ENPP1: variants seen among roughly 807,000 people sequenced by gnomAD.
ENPP1 encodes the protein ectonucleotide pyrophosphatase/phosphodiesterase 1, also known as ectonucleotide pyrophosphatase/phosphodiesterase family member 1.
ENPP1 carries 73 observed loss-of-function variants against 122.8 expected under a neutral mutation model. That is an observed-to-expected ratio of 0.59 (90% CI 0.49 to 0.72). The LOEUF is 0.72. Among genes scored for constraint, ENPP1 ranks in the 30% least tolerant of loss-of-function variants. The pLI is 0.00. For synonymous variants in ENPP1, 367 were observed against 391.6 expected (o/e 0.94, Z 0.74); for missense variants, 978 against 1,128.1 (o/e 0.87, Z 1.91).
chr6:131,894,815 AC>A lies in ENPP1; in HGVS notation c.*4309del. 6.6e-6 allele frequency: 1 copy of A among 152,000 alleles called. No individual in the cohort carries two copies. The highest frequency in any genetic ancestry group is 1.5e-5 in the Non-Finnish European group (1 of 68,090). The allele number at this position is 152,000 out of a possible 1,614,324, so 9.4% of individuals were successfully genotyped here. On this transcript the variant is annotated 3_prime_UTR_variant, in exon 25 of 25. Coordinates refer to ENST00000647893, the MANE Select transcript of ENPP1 (RefSeq NM_006208.3). Reference sequence around the variant, plus strand: ...ACAAGATGGGCATGGAACAGGGACCACCCCCTCCTCTGGGAGAAGCTGTTAC... The same window carrying A: ...ACAAGATGGGCATGGAACAGGGACCACCCCTCCTCTGGGAGAAGCTGTTAC...
chr6:131,883,658 G>A lies in ENPP1; in HGVS notation c.2231-36G>A. 2 of 993,316 alleles carry A rather than the reference G, an allele frequency of 2.0e-6. 1 individual carries two copies. Among genetic ancestry groups the A allele is most frequent in the South Asian group, 2.6e-5 (2 of 76,914 alleles). The allele number at this position is 993,316 out of a possible 1,614,324, so 61.5% of individuals were successfully genotyped here. On this transcript the variant is annotated intron_variant, in intron 21 of 24. Coordinates refer to ENST00000647893, the MANE Select transcript of ENPP1 (RefSeq NM_006208.3). ...AACTATAATTTCCTATGTTATTTGTGAAGAATGAAAAAGTTGTCCTCTTTT... is the reference window on the plus strand; with the variant it reads ...AACTATAATTTCCTATGTTATTTGTAAAGAATGAAAAAGTTGTCCTCTTTT...
intron 1 of ENPP1, among the ~76,000 whole-genome samples, chr6:131,811,571 A>G (rs1781355057): frequency 6.6e-6 from 1 of 152,102 alleles, no homozygotes; most frequent in Admixed American, 6.6e-5. Context: ...GGCAGTTCCT[A>G]AGTTGTTTAT....
At position 131,885,037 on chromosome 6, in the gene ENPP1, T is replaced by C. The variant is rs914267183; in HGVS notation, c.2418T>C (p.Arg806=). Residue 806 remains arginine (R), a synonymous_variant, in exon 23 of 25, where the codon CGT becomes CGC. Transcript: ENST00000647893. The stretch of plus-strand genomic sequence containing the variant: ...TGTTTGACTTTGATTATGATGGACG[T>C]TGTGATTCCTTAGAGAATCTGAGGC... The part of the protein sequence containing the change: ...GPVFDFDYDG[R]CDSLENLRQK... 1.2e-6 allele frequency: 2 copies of C among 1,614,094 alleles called. No homozygotes were observed. The highest frequency in any genetic ancestry group is 1.7e-6 in the Non-Finnish European group (2 of 1,179,962).
chr6:131,851,471 C>T, intron 4 of ENPP1: 1 of 573,754 alleles, frequency 1.7e-6, no homozygotes, highest in Non-Finnish European at 3.1e-6. Context: ...TTATACCCAT[C>T]ACCCAGCTTC....
chr6:131,814,167 C>A (rs369287858), intron 1 of ENPP1, among the ~76,000 whole-genome samples: 3 of 152,116 alleles, frequency 2.0e-5, no homozygotes, highest in African/African-American at 7.2e-5. Context: ...AGATTTCTGG[C>A]GGAGCATAGA....
intron 5 of ENPP1, among the ~76,000 whole-genome samples, chr6:131,853,925 G>A (rs1008452349): frequency 1.3e-5 from 2 of 151,966 alleles, no homozygotes; most frequent in Non-Finnish European, 2.9e-5. Context: ...GTGGTTTTTG[G>A]CCTCCTTTTT....
chr6:131,886,482 A>G (rs116371737), intron 23 of ENPP1, 80 bp from the exon 24 acceptor site: 2 of 1,069,948 alleles, frequency 1.9e-6, no homozygotes, highest in Non-Finnish European at 2.8e-6. Flanking sequence ...TATATGTATT[A>G]AAAGCATGCT....
At chr6:131,883,600 C>A in intron 21 of ENPP1, 94 bp from the exon 22 acceptor site, 1 of 724,114 alleles carries the variant, frequency 1.4e-6, no homozygotes. Context: ...TGGTACTCAG[C>A]TAATTTTTAA....
At chr6:131,887,725 A>ATTTT (rs757759048) in intron 24 of ENPP1, among the ~76,000 whole-genome samples, 1 of 114,888 alleles carries the variant, frequency 8.7e-6, no homozygotes, top group African/African-American at 3.7e-5. Flanking sequence ...CACCCGGCTA[A>ATTTT]TTTTTTTTTT....
At chr6:131,811,073 A>C (rs1459408045) in intron 1 of ENPP1, among the ~76,000 whole-genome samples, 1 of 147,990 alleles carries the variant, frequency 6.8e-6, no homozygotes, top group Non-Finnish European at 1.5e-5. Context: ...TGAAGTTTTG[A>C]ACTGAAGTGT....
At chr6:131,810,453 C>G (rs377218246) in intron 1 of ENPP1, among the ~76,000 whole-genome samples, 4 of 142,408 alleles carry the variant, frequency 2.8e-5, no homozygotes, top group African/African-American at 7.8e-5. Context: ...ACCCCGCCCC[C>G]CCCCCAAAAA....
chr6:131,866,591 AAG>A (rs2114708900), intron 11 of ENPP1, among the ~76,000 whole-genome samples: 1 of 152,272 alleles, frequency 6.6e-6, no homozygotes, highest in East Asian at 1.9e-4. Context: ...CCTTGGATAA[AAG>A]AGAGTGAAGA....
chr6:131,862,591 G>C (rs948758286), intron 9 of ENPP1, among the ~76,000 whole-genome samples: 1 of 152,154 alleles, frequency 6.6e-6, no homozygotes, highest in African/African-American at 2.4e-5. Context: ...TTGGATTGGG[G>C]ATGGAATTAT....
chr6:131,826,396 A>C, intron 1 of ENPP1: 1 of 958,610 alleles, frequency 1.0e-6, no homozygotes, highest in South Asian at 1.4e-5. Flanking sequence ...CTCAATATTA[A>C]TAGGACCCCA....
chr6:131,871,349 C>T (rs1253306415), intron 13 of ENPP1, among the ~76,000 whole-genome samples: 2 of 152,116 alleles, frequency 1.3e-5, no homozygotes, highest in African/African-American at 4.8e-5. Flanking sequence ...CTATGTAAAT[C>T]CATGGGCATA....
intron 4 of ENPP1, among the ~76,000 whole-genome samples, chr6:131,851,612 A>G (rs1361695724): frequency 6.6e-6 from 1 of 152,190 alleles, no homozygotes; most frequent in Non-Finnish European, 1.5e-5. Flanking sequence ...GATCCCTCTT[A>G]CAGTCCTGGC....
At chr6:131,861,157 CTA>C (rs1782018621) in intron 8 of ENPP1, among the ~76,000 whole-genome samples, 1 of 152,096 alleles carries the variant, frequency 6.6e-6, no homozygotes, top group Non-Finnish European at 1.5e-5. Context: ...TTTATCATAT[CTA>C]TAATGTAGAT....
At position 131,882,475 on chromosome 6, in the gene ENPP1, G is replaced by A. The variant is rs770775549; in HGVS notation, c.2230+1G>A. ...AGTTACGGGTTCCTCTCCCCACCAC[G>A]TAAGTTTTTTCCTCTCCTGACCTTC... On this transcript the variant is annotated splice_donor_variant, in intron 21 of 24. Coordinates refer to ENST00000647893, the MANE Select transcript of ENPP1 (RefSeq NM_006208.3). LOFTEE classifies it high-confidence loss of function. 6.2e-7 allele frequency: 1 copy of A among 1,603,044 alleles called. No individual in the cohort carries two copies. The highest frequency in any genetic ancestry group is 8.5e-7 in the Non-Finnish European group (1 of 1,173,342).
chr6:131,867,812 CT>C (rs1394120484), intron 11 of ENPP1, among the ~76,000 whole-genome samples: 1 of 152,032 alleles, frequency 6.6e-6, no homozygotes, highest in Non-Finnish European at 1.5e-5. Flanking sequence ...ATTTACTGTT[CT>C]TTGTATCTCT....
Sources: gnomAD v4.1 joint callset for allele counts (sites outside exome capture counted in the v4.1 genomes callset) on GRCh38, gnomAD v4.1.1 for gene constraint, MANE v1.5 for transcripts, NCBI Gene and HGNC (gene_info 2026-07-23, HGNC 2026-07-21) for gene names.